Variants in LIG1 observed in about 807,000 individuals in gnomAD.
LIG1 encodes DNA ligase 1.
A neutral mutation model predicts 115.7 loss-of-function variants in LIG1; 70 were observed. That is an observed-to-expected ratio of 0.60 (90% CI 0.50 to 0.74). LIG1 has a LOEUF of 0.74. LIG1 is among the 30% of genes least tolerant of loss of function. The pLI is 0.00. For synonymous variants in LIG1, 487 were observed against 495.3 expected (o/e 0.98, Z 0.22); for missense variants, 1,115 against 1,225.6 (o/e 0.91, Z 1.35).
chr19:48,170,241 C>G lies in LIG1; in HGVS notation c.-58G>C, dbSNP rs1458691248. On this transcript the variant is annotated splice_region_variant and 5_prime_UTR_variant, in exon 1 of 28. Coordinates refer to ENST00000263274, the MANE Select transcript of LIG1 (RefSeq NM_000234.3). ...TCTGCTTGCGGACGGCCCCACTTGC[C>G]TTGCGTTGGTCCCGCGCGCCGCTGC... 1.8e-5 allele frequency: 8 copies of G among 455,444 alleles called. No individual in the cohort carries two copies. Among genetic ancestry groups the G allele is most frequent in the Middle Eastern group, 6.5e-4 (2 of 3,086 alleles). 28.2% of individuals were successfully genotyped at this position (455,444 alleles called of 1,614,324 possible).
chr19:48,137,035 C>T lies in LIG1; in HGVS notation c.1304G>A (p.Arg435His), dbSNP rs747612764. 62 of 1,612,254 alleles carry T rather than the reference C, an allele frequency of 3.8e-5. No individual in the cohort carries two copies. Among genetic ancestry groups the T allele is most frequent in the African/African-American group, 2.7e-5 (2 of 74,924 alleles). Residue 435 changes from arginine (R) to histidine (H), a missense_variant, in exon 14 of 28, where the codon CGC (arginine) becomes CAC (histidine). Transcript: ENST00000263274. The surrounding 1 kb of genome is among the most constrained non-coding windows in gnomAD (Gnocchi z 4.3). ...DIIKGLFVACRHSEARFIARS... is the reference protein window; with the variant it reads ...DIIKGLFVACHHSEARFIARS... ...AGCGATGAACCGGGCTTCTGAGTGG[C>T]GGCAGGCCACAAAGAGGCCTTTGAT...
In LIG1 at chr19:48,156,999, C is replaced by T. The variant is rs1203053790; in HGVS notation, c.370+15G>A. 7.5e-7 allele frequency: 1 copy of T among 1,335,006 alleles called. No individual in the cohort carries two copies. The highest frequency in any genetic ancestry group is 1.1e-6 in the Non-Finnish European group (1 of 945,116). The allele number at this position is 1,335,006 out of a possible 1,614,324, so 82.7% of individuals were successfully genotyped here. A position where few individuals can be genotyped will look rare whatever the true frequency, so the allele number is the denominator to read the frequency against. ...AGGCAGGCGACTGAAGGGGCAGGGG[C>T]CCGTGTGTTCTCACCTGTGCGACGC... On this transcript the variant is annotated intron_variant, in intron 5 of 27. Coordinates refer to ENST00000263274, the MANE Select transcript of LIG1 (RefSeq NM_000234.3).
At position 48,143,867 on chromosome 19, in the gene LIG1, A is replaced by G. The variant is rs752258913; in HGVS notation, c.857+16T>C. ...AGGGACCGGAGGGGGACAGTCTGAA[A>G]AGGGAGAAACCTCACTTCTGGCCCG... On this transcript the variant is annotated intron_variant, in intron 10 of 27. Transcript: ENST00000263274. 4.4e-6 allele frequency: 7 copies of G among 1,605,748 alleles called. No individual in the cohort carries two copies. The African/African-American group carries it at 8.0e-5, about 18-fold the overall frequency.
Position 48,170,342 on chromosome 19 carries a change from T to C in LIG1, c.-159A>G. The C allele has an allele frequency of 2.3e-6, 1 of 437,042 alleles. No individual in the cohort carries two copies. The highest frequency in any genetic ancestry group is 1.6e-5 in the South Asian group (1 of 62,200). 27.1% of individuals were successfully genotyped at this position (437,042 alleles called of 1,614,324 possible). A position where few individuals can be genotyped will look rare whatever the true frequency, so the allele number is the denominator to read the frequency against. On this transcript the variant is annotated 5_prime_UTR_variant, in exon 1 of 28. Transcript: ENST00000263274. ...GCGCCACGGCATTCGCGCGCAGACG[T>C]CTGCGGGCGGGGGCGGGGCAGAGCC...
At position 48,136,742 on chromosome 19, in the gene LIG1, G is replaced by A. The variant is rs56174164; in HGVS notation, c.1331+266C>T. Among the ~76,000 whole-genome samples, 472 of 152,320 alleles carry A rather than the reference G, an allele frequency of 3.1e-3. 6 individuals carry two copies. The highest frequency in any genetic ancestry group is 0.011 in the African/African-American group (444 of 41,564). ...CTGCTGCAGGGCCCGCGCCCAAGCC[G>A]AGGCAGACCTCACCAATCAATCACA... On this transcript the variant is annotated intron_variant, in intron 14 of 27. Coordinates refer to ENST00000263274, the MANE Select transcript of LIG1 (RefSeq NM_000234.3).
At chr19:48,158,731 C>T (rs886736809) in intron 4 of LIG1, among the ~76,000 whole-genome samples, 19 of 152,216 alleles carry the variant, frequency 1.2e-4, no homozygotes, top group African/African-American at 4.3e-4. Flanking sequence ...CTAACATTCA[C>T]GGGGCTTGCC....
rs1201569677 is a variant in LIG1, at chr19:48,135,734, T to A, written c.1469A>T (p.Glu490Val). The A allele has an allele frequency of 1.2e-6, 2 of 1,614,202 alleles. No individual in the cohort carries two copies. The highest frequency in any genetic ancestry group is 3.3e-5 in the Admixed American group (2 of 60,030). Residue 490 changes from glutamate (E) to valine (V), a missense_variant, in exon 16 of 28, where the codon GAG (glutamate) becomes GTG (valine). By Grantham distance (121) the Glu-to-Val change is moderately radical. Transcript: ENST00000263274. ...MVDAGKGKTA[E>V]ARKTWLEEQG... Reference sequence around the variant, plus strand: ...CTCCTCCAGCCACGTCTTTCTGGCCTCTGCTGTCTTGCCCTTCCCAGCATC... The same window carrying A: ...CTCCTCCAGCCACGTCTTTCTGGCCACTGCTGTCTTGCCCTTCCCAGCATC...
chr19:48,122,942 A>G lies in LIG1; in HGVS notation c.2224T>C (p.Trp742Arg). The change falls in exon 23 of 28, where the codon TGG becomes CGG. Residue 742 changes from tryptophan (W) to arginine (R), a missense_variant. By Grantham distance (101) the Trp-to-Arg change is moderately radical (BLOSUM62 -3). Transcript: ENST00000263274. The surrounding 1 kb of genome is among the most constrained non-coding windows in gnomAD (Gnocchi z 4.3). Reference sequence around the variant, plus strand: ...TGGGGGTCGAGAATCACCTTGAGCCAGTTGTGCGATCTCTTGGCGATCTCG... The same window carrying G: ...TGGGGGTCGAGAATCACCTTGAGCCGGTTGTGCGATCTCTTGGCGATCTCG... The part of the protein sequence containing the change: ...TYEIAKRSHN[W>R]LKLKKDYLDG... 6.2e-7 allele frequency: 1 copy of G among 1,612,378 alleles called. No individual in the cohort carries two copies. Among genetic ancestry groups the G allele is most frequent in the Non-Finnish European group, 8.5e-7 (1 of 1,179,716 alleles).
At chr19:48,165,891 G>A (rs1349709947) in intron 1 of LIG1, 1 of 433,664 alleles carries the variant, frequency 2.3e-6, no homozygotes, top group Non-Finnish European at 4.2e-6. Context: ...ATAGACTGAG[G>A]ACCTGAAATG....
intron 9 of LIG1, among the ~76,000 whole-genome samples, chr19:48,144,343 C>G (rs940344380): frequency 6.6e-6 from 1 of 152,056 alleles, no homozygotes; most frequent in Non-Finnish European, 1.5e-5. Context: ...GAGAGAATAG[C>G]GTGTGCAAAG....
chr19:48,120,575 A>C (rs1261376526), intron 24 of LIG1: 1 of 984,310 alleles, frequency 1.0e-6, no homozygotes, highest in Non-Finnish European at 1.2e-6. Flanking sequence ...TTAACTTGAA[A>C]AAAAGTAAAT....
Position 48,165,532 on chromosome 19 carries a change from G to A in LIG1, c.17+18C>T, listed in dbSNP as rs2036431406. The A allele has an allele frequency of 6.3e-7, 1 of 1,584,908 alleles. No individual in the cohort carries two copies. The highest frequency in any genetic ancestry group is 8.7e-7 in the Non-Finnish European group (1 of 1,153,128). ...GACTTGGAGAAGGAAAGACTCAGGG[G>A]CAAGGGAGGGTGCTCACATGATACT... On this transcript the variant is annotated intron_variant, in intron 2 of 27. Coordinates refer to ENST00000263274, the MANE Select transcript of LIG1 (RefSeq NM_000234.3).
intron 9 of LIG1, among the ~76,000 whole-genome samples, chr19:48,146,977 A>G (rs1347069665): frequency 6.6e-6 from 1 of 152,226 alleles, no homozygotes; most frequent in Non-Finnish European, 1.5e-5. Flanking sequence ...CTTCCTCCAC[A>G]GGAATACTGC....
chr19:48,143,641 C>CTA lies in LIG1; in HGVS notation c.858-44_858-43dup, dbSNP rs752881037. ...GACGCAAGAGTGACAGTGGTGCAGG[C>CTA]TATACCATGCTGCCCGTCTGCACCC... On this transcript the variant is annotated intron_variant, in intron 10 of 27. Coordinates refer to ENST00000263274, the MANE Select transcript of LIG1 (RefSeq NM_000234.3). 1.8e-4 allele frequency: 277 copies of CTA among 1,546,268 alleles called. 1 individual carries two copies. Among genetic ancestry groups the CTA allele is most frequent in the Middle Eastern group, 1.2e-3 (7 of 5,950 alleles).
chr19:48,146,950 A>C (rs1264256090), intron 9 of LIG1, among the ~76,000 whole-genome samples: 1 of 152,158 alleles, frequency 6.6e-6, no homozygotes, highest in Non-Finnish European at 1.5e-5. Context: ...ATGTGTGTAA[A>C]ATGGCTAAAG....
rs71334267 is a variant in LIG1 at position 48,119,529 on chromosome 19, CTTTTTTTTTTT to C, written c.2386-350_2386-340del. 1.1e-3 allele frequency among the ~76,000 whole-genome samples: 78 copies of C among 68,010 alleles called. 3 individuals are homozygous for C. Among genetic ancestry groups the C allele is most frequent in the Middle Eastern group, 0.01 (1 of 96 alleles). The allele number at this position is 68,010 out of a possible 152,430, so 44.6% of individuals were successfully genotyped here. ...GTAACTGGCTGTCCTCACTTCCAGT[CTTTTTTTTTTT>C]TTTTTTTTTTTTTTTTGAGACAGGG... On this transcript the variant is annotated intron_variant, in intron 24 of 27. Coordinates refer to ENST00000263274, the MANE Select transcript of LIG1 (RefSeq NM_000234.3).
At chr19:48,123,443 TGA>T (rs748346381) in intron 21 of LIG1, 125 bp from the exon 22 acceptor site, 9 of 1,138,446 alleles carry the variant, frequency 7.9e-6, no homozygotes, top group Non-Finnish European at 3.8e-6. Flanking sequence ...TGGAAAGCCT[TGA>T]GAGGGAAGAA....
chr19:48,134,016 A>G lies in LIG1; in HGVS notation c.1574T>C (p.Leu525Pro). 6.4e-7 allele frequency: 1 copy of G among 1,556,898 alleles called. No homozygotes were observed. The highest frequency in any genetic ancestry group is 1.2e-5 in the South Asian group (1 of 84,450). Residue 525 changes from leucine (L) to proline (P), a missense_variant, in exon 17 of 28, where the codon CTG becomes CCG. Transcript: ENST00000263274. ...RIIPVLLEHG[L>P]ERLPEHCKLS... ...CTTGCAGTGCTCCGGGAGACGTTCC[A>G]GGCCGTGCTCCAGCAGCACGGGGAT...
At chr19:48,156,379 C>A (rs756541181) in intron 5 of LIG1, among the ~76,000 whole-genome samples, 2 of 152,214 alleles carry the variant, frequency 1.3e-5, no homozygotes, top group Non-Finnish European at 2.9e-5. Flanking sequence ...ACTACAGTCA[C>A]AATGACCCAC....
Sources: allele counts gnomAD v4.1 joint callset (sites outside exome capture counted in the v4.1 genomes callset), GRCh38; gene constraint gnomAD v4.1.1; non-coding constraint Gnocchi (gnomAD v3.1); transcripts MANE v1.5; gene names NCBI Gene and HGNC (gene_info 2026-07-23, HGNC 2026-07-21).